Variants in CFAP299 observed in about 807,000 individuals in gnomAD.
CFAP299 encodes the protein cilia- and flagella-associated protein 299.
A neutral mutation model predicts 27.0 loss-of-function variants in CFAP299; 21 were observed. The ratio of observed to expected loss-of-function variants is 0.78; its 90% CI spans 0.55 to 1.12. CFAP299 has a LOEUF of 1.12. CFAP299 is among the 50% of genes most tolerant of loss of function. The pLI is 0.00. For missense variants in CFAP299, 310 were observed against 276.6 expected, an observed-to-expected ratio of 1.12 and a Z score of -0.86; for synonymous variants, 104 against 98.1, an observed-to-expected ratio of 1.06 and a Z score of -0.36.
At chr4:80,354,486 C>T (rs1723162607) in intron 1 of CFAP299, among the ~76,000 whole-genome samples, 1 of 152,052 alleles carries the variant, frequency 6.6e-6, no homozygotes, top group Non-Finnish European at 1.5e-5. Flanking sequence ...TTATTAATTA[C>T]AACATATTTT....
chr4:80,632,495 A>G (rs1273080242), intron 3 of CFAP299, among the ~76,000 whole-genome samples: 2 of 152,208 alleles, frequency 1.3e-5, no homozygotes, highest in Non-Finnish European at 2.9e-5. Context: ...TACAGGTAAT[A>G]AAACTCTGGA....
At chr4:80,642,330 T>C (rs896466744) in intron 3 of CFAP299, among the ~76,000 whole-genome samples, 2 of 152,216 alleles carry the variant, frequency 1.3e-5, no homozygotes, top group Non-Finnish European at 2.9e-5. Context: ...AATGGTGTCT[T>C]ATTAATTATG....
At chr4:80,891,439 A>G (rs1734268213) in intron 4 of CFAP299, among the ~76,000 whole-genome samples, 1 of 151,406 alleles carries the variant, frequency 6.6e-6, no homozygotes. Context: ...GCAGCCATAA[A>G]AAATGATGAG....
Position 80,354,587 on chromosome 4 carries a change from TG to T in CFAP299, c.112-8163del, listed in dbSNP as rs1277378783. On this transcript the variant is annotated intron_variant, in intron 1 of 5. Transcript: ENST00000358105. Reference sequence around the variant, plus strand: ...GTTTGCTATATAGCTAAAAGTGTCATGGGGATTTGTTGTACAGATTATTTCT... The same window carrying T: ...GTTTGCTATATAGCTAAAAGTGTCATGGGATTTGTTGTACAGATTATTTCT... Among the ~76,000 whole-genome samples the T allele has an allele frequency of 9.2e-5, 14 of 152,280 alleles. No homozygotes were observed. In the East Asian group the frequency reaches 2.5e-3, roughly 27 times the overall value.
At chr4:80,340,337 G>A (rs1560519990) in intron 1 of CFAP299, among the ~76,000 whole-genome samples, 1 of 152,142 alleles carries the variant, frequency 6.6e-6, no homozygotes, top group East Asian at 1.9e-4. Flanking sequence ...CTTTACCAGG[G>A]CCTTCCATCC....
intron 3 of CFAP299, among the ~76,000 whole-genome samples, chr4:80,584,336 T>C (rs1307504065): frequency 6.6e-6 from 1 of 151,960 alleles, no homozygotes; most frequent in Non-Finnish European, 1.5e-5. Flanking sequence ...ATAGGAATGG[T>C]AGAATTGCAG....
upstream of CFAP299, among the ~76,000 whole-genome samples, chr4:80,333,876 C>T (rs549892894): frequency 3.3e-5 from 5 of 152,220 alleles, no homozygotes; most frequent in South Asian, 4.1e-4. Flanking sequence ...AGAAGCTTGC[C>T]GAAACTTACT....
chr4:80,442,255 C>T (rs1208125507), intron 2 of CFAP299, among the ~76,000 whole-genome samples: 1 of 152,126 alleles, frequency 6.6e-6, no homozygotes, highest in Non-Finnish European at 1.5e-5. Context: ...ACAGAATATA[C>T]ATTCTTAGCA....
intron 2 of CFAP299, among the ~76,000 whole-genome samples, chr4:80,543,820 C>A (rs116449158): frequency 0.058 from 8,820 of 152,180 alleles, 533 homozygotes; most frequent in African/African-American, 0.15. Context: ...GATTAACATG[C>A]AAATTCAAGA....
chr4:80,696,346 A>G (rs1422292908), intron 3 of CFAP299, among the ~76,000 whole-genome samples: 1 of 151,900 alleles, frequency 6.6e-6, no homozygotes, highest in Non-Finnish European at 1.5e-5. Flanking sequence ...CCTTAACTGT[A>G]CTAATTTTAA....
intron 2 of CFAP299, among the ~76,000 whole-genome samples, chr4:80,454,729 A>G (rs1398322305): frequency 6.6e-6 from 1 of 152,176 alleles, no homozygotes; most frequent in Non-Finnish European, 1.5e-5. Context: ...CAGTTTATCA[A>G]GAGAGGGGAA....
At chr4:80,860,823 G>T (rs1487080791) in intron 3 of CFAP299, among the ~76,000 whole-genome samples, 2 of 152,192 alleles carry the variant, frequency 1.3e-5, no homozygotes, top group Non-Finnish European at 2.9e-5. Context: ...CCCCTACTGG[G>T]GGGTGCCTCC....
intron 2 of CFAP299, among the ~76,000 whole-genome samples, chr4:80,429,908 C>T (rs1396000930): frequency 6.6e-6 from 1 of 151,858 alleles, no homozygotes; most frequent in Non-Finnish European, 1.5e-5. Flanking sequence ...AATCTGGATG[C>T]TAAAGAGGGC....
intron 3 of CFAP299, among the ~76,000 whole-genome samples, chr4:80,732,707 T>C (rs1256880542): frequency 1.3e-5 from 2 of 152,172 alleles, no homozygotes; most frequent in Non-Finnish European, 2.9e-5. Flanking sequence ...CATGGCATTG[T>C]TATTTTCTAC....
intron 2 of CFAP299, among the ~76,000 whole-genome samples, chr4:80,423,725 T>C (rs1343099718): frequency 6.6e-6 from 1 of 152,198 alleles, no homozygotes; most frequent in African/African-American, 2.4e-5. Flanking sequence ...TGTTTCTTTC[T>C]CTCACTGTGT....
chr4:80,433,167 G>T (rs1727907845), intron 2 of CFAP299, among the ~76,000 whole-genome samples: 1 of 150,486 alleles, frequency 6.6e-6, no homozygotes, highest in African/African-American at 2.4e-5. Context: ...AACCACAGAG[G>T]AAAAAAAAAG....
intron 3 of CFAP299, among the ~76,000 whole-genome samples, chr4:80,660,967 G>T (rs1740812661): frequency 1.3e-5 from 2 of 152,228 alleles, no homozygotes; most frequent in South Asian, 4.1e-4. Flanking sequence ...AATGGGGATT[G>T]TTGCAAGAGA....
chr4:80,622,908 A>AGAAAGGAGG (rs1401809227), intron 3 of CFAP299, among the ~76,000 whole-genome samples: 1 of 152,186 alleles, frequency 6.6e-6, no homozygotes, highest in Non-Finnish European at 1.5e-5. Context: ...TTTTCTCTCA[A>AGAAAGGAGG]GAAAGGAGGT....
Position 80,514,714 on chromosome 4 carries a change from T to C in CFAP299, c.243-68379T>C, listed in dbSNP as rs1296344905. Among the ~76,000 whole-genome samples the C allele has an allele frequency of 2.0e-5, 3 of 152,246 alleles. No individual in the cohort carries two copies. The East Asian group carries it at 5.8e-4, about 29-fold the overall frequency. The stretch of plus-strand genomic sequence containing the variant: ...CTCCCTCTTTTCTCCTGGTTTTACC[T>C]GCTCTTTGAATAGATTCTAGTTGAT... On this transcript the variant is annotated intron_variant, in intron 2 of 5. Coordinates refer to ENST00000358105, the MANE Select transcript of CFAP299 (RefSeq NM_152770.3).
Sources: allele counts gnomAD v4.1 joint callset (sites outside exome capture counted in the v4.1 genomes callset), GRCh38; gene constraint gnomAD v4.1.1; transcripts MANE v1.5; gene names NCBI Gene and HGNC (gene_info 2026-07-23, HGNC 2026-07-21).